GPHN: variants seen among roughly 807,000 people sequenced by gnomAD.
The protein encoded by GPHN is gephyrin.
In GPHN, 17 loss-of-function variants were observed where a neutral mutation model predicts 95.5. The observed-to-expected ratio is 0.18, with a 90% CI of 0.12 to 0.27. The LOEUF is 0.27. Among genes scored for constraint, GPHN ranks in the 10% least tolerant of loss-of-function variants. The probability of loss-of-function intolerance (pLI) is 1.00; values close to 1 mark genes in which losing one functional copy is unlikely to be tolerated. For missense variants in GPHN, 660 were observed against 978.1 expected, an observed-to-expected ratio of 0.67 and a Z score of 4.34; for synonymous variants, 320 against 322.5, an observed-to-expected ratio of 0.99 and a Z score of 0.08.
chr14:67,009,423 C>G (rs370550485), intron 9 of GPHN, among the ~76,000 whole-genome samples: 33 of 152,172 alleles, frequency 2.2e-4, no homozygotes, highest in Admixed American at 1.0e-3. Flanking sequence ...AAATTTTATG[C>G]ATCATATAAT....
intron 9 of GPHN, among the ~76,000 whole-genome samples, chr14:67,008,170 G>C (rs933309253): frequency 6.6e-6 from 1 of 152,046 alleles, no homozygotes; most frequent in Non-Finnish European, 1.5e-5. Flanking sequence ...CTTCAGATTA[G>C]TCGACCAGGC....
At chr14:66,814,606 A>G (rs2060892356) in intron 3 of GPHN, among the ~76,000 whole-genome samples, 1 of 152,230 alleles carries the variant, frequency 6.6e-6, no homozygotes, top group African/African-American at 2.4e-5. Context: ...AATGCATCTT[A>G]TACCATAATC....
the GPHN span, among the ~76,000 whole-genome samples, chr14:67,705,519 G>A: frequency 6.6e-6 from 1 of 152,204 alleles, no homozygotes; most frequent in Non-Finnish European, 1.5e-5. Flanking sequence ...GTGACCTGTA[G>A]GTTATCACAA....
chr14:66,815,708 A>C (rs1015875916), intron 3 of GPHN, among the ~76,000 whole-genome samples: 2 of 152,206 alleles, frequency 1.3e-5, no homozygotes, highest in Non-Finnish European at 1.5e-5. Flanking sequence ...CTACAAAAAC[A>C]CATTGAAGTC....
chr14:66,959,557 A>AT (rs1459534624), intron 8 of GPHN, among the ~76,000 whole-genome samples: 5 of 152,100 alleles, frequency 3.3e-5, no homozygotes, highest in South Asian at 2.1e-4. Flanking sequence ...TGGTTGACAG[A>AT]TTTTTCATCT....
rs77906316 is a variant in GPHN, at chr14:67,038,263, A to G, written c.1006+14588A>G. 7.9e-3 allele frequency among the ~76,000 whole-genome samples: 1,202 copies of G among 152,264 alleles called. 26 individuals carry two copies. Among genetic ancestry groups the G allele is most frequent in the African/African-American group, 0.028 (1,145 of 41,564 alleles). The stretch of plus-strand genomic sequence containing the variant: ...AGACATCTAAAGTAATTGAACTCAT[A>G]GAAAGTAGAATGGTGGTTGCCAGGG... On this transcript the variant is annotated intron_variant, in intron 10 of 22. Coordinates refer to ENST00000478722, the MANE Select transcript of GPHN (RefSeq NM_020806.5).
intron 11 of GPHN, among the ~76,000 whole-genome samples, chr14:67,066,370 T>G (rs906348873): frequency 1.3e-5 from 2 of 152,208 alleles, no homozygotes; most frequent in African/African-American, 4.8e-5. Flanking sequence ...ATTTTTTCCT[T>G]CATTTCAACC....
At position 66,924,209 on chromosome 14, in the gene GPHN, AC is replaced by A; in HGVS notation, c.747del (p.Ser250ValfsTer107). The A allele has an allele frequency of 1.2e-6, 2 of 1,601,710 alleles. No individual in the cohort carries two copies. The highest frequency in any genetic ancestry group is 1.7e-6 in the Non-Finnish European group (2 of 1,168,696). On this transcript the variant is annotated frameshift_variant, in exon 8 of 23. Transcript: ENST00000478722. LOFTEE classifies it high-confidence loss of function. ...AIAAKKHPFY[T>X]SPAVVMAHGE... ...TGTGCATTAGAAGCATCCATTCTAC[AC>A]CAGTCCTGCTGTTGTCATGGCACAC...
chr14:67,547,598 T>G, the GPHN span, among the ~76,000 whole-genome samples: 2 of 152,056 alleles, frequency 1.3e-5, 1 homozygote, highest in South Asian at 4.2e-4. Context: ...CCTGGGACAT[T>G]ACATGGGCTG....
intron 1 of GPHN, among the ~76,000 whole-genome samples, chr14:66,543,551 T>C (rs941985195): frequency 6.6e-6 from 1 of 152,232 alleles, no homozygotes; most frequent in Non-Finnish European, 1.5e-5. Context: ...TACACCTATG[T>C]CTGTATCTAC....
At chr14:67,483,137 A>G in the GPHN span, among the ~76,000 whole-genome samples, 1 of 152,054 alleles carries the variant, frequency 6.6e-6, no homozygotes, top group African/African-American at 2.4e-5. Context: ...CAGCCTCCCA[A>G]GAGGCTGGGA....
At chr14:67,575,933 C>G in the GPHN span, 1 of 1,613,954 alleles carries the variant, frequency 6.2e-7, no homozygotes, top group African/African-American at 1.3e-5. Context: ...TGCTTTCCTC[C>G]CACTGCACCC....
the GPHN span, among the ~76,000 whole-genome samples, chr14:67,425,832 T>A: frequency 3.9e-5 from 6 of 152,048 alleles, no homozygotes; most frequent in African/African-American, 1.4e-4. Flanking sequence ...GTGTCTCTGC[T>A]GATCTGATAG....
the GPHN span, among the ~76,000 whole-genome samples, chr14:67,487,570 C>A: frequency 1.3e-5 from 2 of 152,182 alleles, no homozygotes; most frequent in African/African-American, 4.8e-5. Flanking sequence ...GGAAGGCAGA[C>A]AATGTAGGAC....
the GPHN span, among the ~76,000 whole-genome samples, chr14:67,214,305 C>T: frequency 6.6e-6 from 1 of 152,110 alleles, no homozygotes; most frequent in Non-Finnish European, 1.5e-5. Context: ...CTAGGTCTAA[C>T]GTTTAAGTCT....
At chr14:67,407,180 G>T in the GPHN span, among the ~76,000 whole-genome samples, 1 of 151,958 alleles carries the variant, frequency 6.6e-6, no homozygotes, top group African/African-American at 2.4e-5. Context: ...AGAGTGCTGT[G>T]GTGCGATCTC....
the GPHN span, among the ~76,000 whole-genome samples, chr14:67,285,595 T>TC: frequency 0.15 from 23,451 of 151,940 alleles, 3,412 homozygotes; most frequent in East Asian, 0.42. Context: ...GGTCTCGATC[T>TC]CTGATCTCCT....
At chr14:67,398,288 G>A in the GPHN span, among the ~76,000 whole-genome samples, 1 of 152,068 alleles carries the variant, frequency 6.6e-6, no homozygotes, top group African/African-American at 2.4e-5. Context: ...ACAGTGGCAT[G>A]ACCTCAGCTC....
chr14:66,591,058 CAT>C (rs1305793337), intron 1 of GPHN, among the ~76,000 whole-genome samples: 4 of 152,176 alleles, frequency 2.6e-5, no homozygotes, highest in Non-Finnish European at 5.9e-5. Context: ...ATGAAAACCA[CAT>C]GATTATCTCA....
Sources: allele counts gnomAD v4.1 joint callset (sites outside exome capture counted in the v4.1 genomes callset), GRCh38; gene constraint gnomAD v4.1.1; transcripts MANE v1.5; gene names NCBI Gene and HGNC (gene_info 2026-07-23, HGNC 2026-07-21).